Variants in ATP10B observed in about 807,000 individuals in gnomAD.
ATP10B encodes ATPase phospholipid transporting 10B (putative).
A neutral mutation model predicts 141.2 loss-of-function variants in ATP10B; 122 were observed. That is an observed-to-expected ratio of 0.86 (90% CI 0.75 to 1.00). The LOEUF is 1.00. ATP10B is among the 50% of genes least tolerant of loss of function. ATP10B has a pLI of 0.00. For synonymous variants in ATP10B, 685 were observed against 692.0 expected (o/e 0.99, Z 0.16); for missense variants, 1,876 against 1,825.3 (o/e 1.03, Z -0.51).
At chr5:160,730,787 G>A (rs538537936) in intron 2 of ATP10B, among the ~76,000 whole-genome samples, 5 of 152,170 alleles carry the variant, frequency 3.3e-5, no homozygotes, top group South Asian at 4.2e-4. Flanking sequence ...TATATGACCC[G>A]CCCCTGTGGA....
intron 8 of ATP10B, among the ~76,000 whole-genome samples, chr5:160,647,160 T>C (rs1760345754): frequency 6.6e-6 from 1 of 152,078 alleles, no homozygotes; most frequent in African/African-American, 2.4e-5. Context: ...AAACAGATCA[T>C]TGAAAGCTGT....
intron 21 of ATP10B, among the ~76,000 whole-genome samples, chr5:160,601,819 T>C (rs1236382242): frequency 6.6e-6 from 1 of 152,182 alleles, no homozygotes; most frequent in Non-Finnish European, 1.5e-5. Context: ...TCAAACATCT[T>C]TGCCAAGTAG....
At chr5:160,637,329 CCATCCATCCATT>C (rs1490267322) in intron 10 of ATP10B, among the ~76,000 whole-genome samples, 3 of 152,052 alleles carry the variant, frequency 2.0e-5, no homozygotes, top group African/African-American at 4.8e-5. Context: ...ATCCATTTAT[CCATCCATCCATT>C]CATCCATCCA....
intron 6 of ATP10B, among the ~76,000 whole-genome samples, chr5:160,682,025 T>C (rs1339914175): frequency 1.3e-5 from 2 of 152,248 alleles, no homozygotes; most frequent in Non-Finnish European, 2.9e-5. Flanking sequence ...CAACTGTCAT[T>C]GGCCATTTAT....
intron 2 of ATP10B, among the ~76,000 whole-genome samples, chr5:160,749,828 C>T (rs1056584788): frequency 2.0e-5 from 3 of 152,064 alleles, no homozygotes; most frequent in East Asian, 1.9e-4. Context: ...GCCAGCTGGT[C>T]GGCCACCACC....
chr5:160,612,985 C>T, intron 17 of ATP10B, 60 bp from the exon 18 acceptor site: 1 of 1,505,152 alleles, frequency 6.6e-7, no homozygotes, highest in Non-Finnish European at 9.0e-7. Context: ...TGCTTAATTC[C>T]CCCAAAGCCA....
intron 5 of ATP10B, among the ~76,000 whole-genome samples, 196 bp downstream of exon 5, chr5:160,687,604 A>AATTGTACAT (rs1763836329): frequency 6.6e-6 from 1 of 152,114 alleles, no homozygotes; most frequent in Non-Finnish European, 1.5e-5. Context: ...TATCTACATA[A>AATTGTACAT]AAGTACAAAA....
chr5:160,871,913 C>G, the ATP10B span, among the ~76,000 whole-genome samples: 1 of 152,044 alleles, frequency 6.6e-6, no homozygotes, highest in Non-Finnish European at 1.5e-5. Context: ...AGACATCCAG[C>G]AGTGGGATTG....
intron 23 of ATP10B, among the ~76,000 whole-genome samples, chr5:160,590,768 C>G (rs1161820467): frequency 6.6e-6 from 1 of 152,198 alleles, no homozygotes; most frequent in African/African-American, 2.4e-5. Context: ...AACTGGAGAA[C>G]ATGCTCACAA....
At chr5:160,590,007 C>T (rs190198653) in intron 23 of ATP10B, among the ~76,000 whole-genome samples, 5 of 152,220 alleles carry the variant, frequency 3.3e-5, no homozygotes, top group Admixed American at 2.0e-4. Flanking sequence ...CTGTGTTTGC[C>T]TACAATGAGT....
At chr5:160,881,673 G>A in the ATP10B span, among the ~76,000 whole-genome samples, 12 of 151,974 alleles carry the variant, frequency 7.9e-5, no homozygotes, top group Admixed American at 3.3e-4. Flanking sequence ...TTATCCGGGC[G>A]TGGGGTGGGC....
At chr5:160,843,672 A>T (rs1775940923) in intron 1 of ATP10B, among the ~76,000 whole-genome samples, 1 of 152,160 alleles carries the variant, frequency 6.6e-6, no homozygotes, top group Non-Finnish European at 1.5e-5. Context: ...AACTATATTT[A>T]AAAAGTTTTG....
chr5:160,703,481 G>T (rs1764795411), intron 3 of ATP10B, among the ~76,000 whole-genome samples: 1 of 147,882 alleles, frequency 6.8e-6, no homozygotes. Context: ...GATGATATTT[G>T]TTTTTTTTTT....
intron 8 of ATP10B, 33 bp downstream of exon 8, chr5:160,649,138 A>G: frequency 6.8e-7 from 1 of 1,470,134 alleles, no homozygotes; most frequent in Non-Finnish European, 9.5e-7. Flanking sequence ...CAGCGGAGAT[A>G]TTTACTAGCA....
intron 3 of ATP10B, among the ~76,000 whole-genome samples, chr5:160,708,118 T>C (rs143008206): frequency 1.3e-5 from 2 of 152,312 alleles, no homozygotes; most frequent in African/African-American, 4.8e-5. Flanking sequence ...TTGAGGCCAC[T>C]GAGGCAGATC....
intron 1 of ATP10B, among the ~76,000 whole-genome samples, chr5:160,810,729 C>T (rs1013678573): frequency 3.3e-5 from 5 of 151,898 alleles, no homozygotes; most frequent in Admixed American, 6.6e-5. Context: ...GAGGCTATGT[C>T]CTTAGATGCA....
chr5:160,751,481 C>T (rs144404512), intron 2 of ATP10B, among the ~76,000 whole-genome samples: 65 of 152,276 alleles, frequency 4.3e-4, no homozygotes, highest in Non-Finnish European at 8.2e-4. Flanking sequence ...TGATAGCGGG[C>T]TAGTCCTTTC....
chr5:160,923,977 A>T, the ATP10B span, among the ~76,000 whole-genome samples: 1 of 152,226 alleles, frequency 6.6e-6, no homozygotes, highest in Non-Finnish European at 1.5e-5. Flanking sequence ...ATGTTTACCT[A>T]TTGGGACATT....
the ATP10B span, among the ~76,000 whole-genome samples, chr5:160,880,571 A>G: frequency 2.6e-5 from 4 of 152,314 alleles, no homozygotes; most frequent in Non-Finnish European, 5.9e-5. Flanking sequence ...TGGTACTGGT[A>G]AAATAATTGA....
Sources: allele counts gnomAD v4.1 joint callset (sites outside exome capture counted in the v4.1 genomes callset), GRCh38; gene constraint gnomAD v4.1.1; transcripts MANE v1.5; gene names NCBI Gene and HGNC (gene_info 2026-07-23, HGNC 2026-07-21).